PALB2: variants seen among roughly 807,000 people sequenced by gnomAD.
The protein encoded by PALB2 is mutant partner and localizer of BRCA2.
A neutral mutation model predicts 107.4 loss-of-function variants in PALB2; 82 were observed. The observed-to-expected ratio is 0.76, with a 90% CI of 0.64 to 0.92. The LOEUF is 0.92. Ranked by LOEUF, PALB2 falls within the 40% of genes least tolerant of loss-of-function variation. The pLI is 0.00. For synonymous variants in PALB2, 489 were observed against 496.8 expected, an observed-to-expected ratio of 0.98 and a Z score of 0.21; for missense variants, 1,374 against 1,379.9, an observed-to-expected ratio of 1.00 and a Z score of 0.07.
chr16:23,616,236 C>CA lies in PALB2; in HGVS notation c.3114-2146dup, dbSNP rs374860533. 7.9e-5 allele frequency among the ~76,000 whole-genome samples: 12 copies of CA among 152,266 alleles called. 1 individual carries two copies. The East Asian group carries it at 2.3e-3, about 29-fold the overall frequency. On this transcript the variant is annotated intron_variant, in intron 10 of 12. Coordinates refer to ENST00000261584, the MANE Select transcript of PALB2 (RefSeq NM_024675.4). ...TGCATGAACTCACTTGAGACTACAG[C>CA]AGTCCACAGTCATCTCCTCTCCTTT... is the stretch of plus-strand genomic sequence containing the variant.
intron 11 of PALB2, among the ~76,000 whole-genome samples, chr16:23,608,801 TACACAC>T (rs10525601): frequency 2.1e-5 from 3 of 143,762 alleles, no homozygotes; most frequent in African/African-American, 5.3e-5. Context: ...TGTATATATA[TACACAC>T]ACACACACAC....
chr16:23,627,688 A>AAAC (rs915348625), intron 6 of PALB2, among the ~76,000 whole-genome samples: 1 of 152,114 alleles, frequency 6.6e-6, no homozygotes, highest in Non-Finnish European at 1.5e-5. Flanking sequence ...CTAGAAAACC[A>AAAC]AACAACAACA....
At chr16:23,626,078 T>C (rs1488783637) in intron 7 of PALB2, among the ~76,000 whole-genome samples, 158 bp downstream of exon 7, 6 of 152,186 alleles carry the variant, frequency 3.9e-5, no homozygotes, top group Non-Finnish European at 8.8e-5. Context: ...ATACAACTTT[T>C]CTGGATGTTT....
intron 8 of PALB2, 70 bp from the exon 9 acceptor site, chr16:23,623,200 CTTTT>C (rs754470879): frequency 0.033 from 25,764 of 775,102 alleles, 85 homozygotes; most frequent in Middle Eastern, 0.054. Context: ...ACTAGGTTCA[CTTTT>C]TTTTTTTTTT....
Position 23,629,227 on chromosome 16 carries a change from G to A in PALB2, c.2563C>T (p.Leu855=), listed in dbSNP as rs1555460212. The change falls in exon 6 of 13, where the codon CTA becomes TTA. Residue 855 remains leucine (L), a synonymous_variant. Transcript: ENST00000261584. The stretch of plus-strand genomic sequence containing the variant: ...ACCTTTAACTCTGAAACCAATTGTA[G>A]GTTGCCTGGGTTTATGCTATCAGAA... The part of the protein sequence containing the change: ...PASDSINPGN[L]QLVSELKNPS... 6.2e-7 allele frequency: 1 copy of A among 1,613,538 alleles called. No homozygotes were observed. Among genetic ancestry groups the A allele is most frequent in the Non-Finnish European group, 8.5e-7 (1 of 1,179,794 alleles).
At chr16:23,630,551 G>A (rs1251787687) in intron 4 of PALB2, 82 bp from the exon 5 acceptor site, 1 of 1,095,970 alleles carries the variant, frequency 9.1e-7, no homozygotes, top group African/African-American at 1.6e-5. Flanking sequence ...AAAGAGAATA[G>A]GATCTCCTAG....
intron 7 of PALB2, among the ~76,000 whole-genome samples, chr16:23,624,514 A>C (rs1966833764): frequency 6.6e-6 from 1 of 152,168 alleles, no homozygotes; most frequent in Admixed American, 6.6e-5. Context: ...TACAGGAACA[A>C]GGAAATTTTT....
rs1567217898 is a variant in PALB2 at position 23,629,962 on chromosome 16, A to C, written c.2192T>G (p.Leu731Ter). Residue 731 changes from leucine to a stop codon, truncating the protein, a stop_gained, in exon 5 of 13, where the codon TTA becomes TGA. Coordinates refer to ENST00000261584, the MANE Select transcript of PALB2 (RefSeq NM_024675.4). LOFTEE classifies it high-confidence loss of function. Reference sequence around the variant, plus strand: ...AGGGCCAAAGGCTGGAGTAGTACCTAAGATGGGGAAAGCAGGTGAACACAT... The same window carrying C: ...AGGGCCAAAGGCTGGAGTAGTACCTCAGATGGGGAAAGCAGGTGAACACAT... Reference protein sequence around the residue: ...TDMCSPAFPILGTTPAFGPQG... With the variant: ...TDMCSPAFPI 1 of 1,614,188 alleles carries C rather than the reference A, an allele frequency of 6.2e-7. No homozygotes were observed. The highest frequency in any genetic ancestry group is 8.5e-7 in the Non-Finnish European group (1 of 1,180,036).
Position 23,603,689 on chromosome 16 carries a change from A to C in PALB2, c.3351-20T>G. The C allele has an allele frequency of 6.2e-7, 1 of 1,603,850 alleles. No individual in the cohort carries two copies. Among genetic ancestry groups the C allele is most frequent in the Non-Finnish European group, 8.5e-7 (1 of 1,171,146 alleles). On this transcript the variant is annotated intron_variant, in intron 12 of 12. Coordinates refer to ENST00000261584, the MANE Select transcript of PALB2 (RefSeq NM_024675.4). ...AGGAACCTGATAGCATACAAAGAAG[A>C]TATAATTCAGATTACATATCCAAAA...
In PALB2 at chr16:23,633,558, A is replaced by C. The variant is rs1242052102; in HGVS notation, c.1684+1304T>G. On this transcript the variant is annotated intron_variant, in intron 4 of 12. Transcript: ENST00000261584. The stretch of plus-strand genomic sequence containing the variant: ...TCTCAGTAAATGAATTGAAAGTTTA[A>C]ATTACAATGTATCGTTGCTGCCCAT... Among the ~76,000 whole-genome samples the C allele has an allele frequency of 2.6e-5, 4 of 152,328 alleles. No homozygotes were observed. In the East Asian group the frequency reaches 7.7e-4, roughly 29 times the overall value.
chr16:23,629,163 T>C (rs780327695), intron 6 of PALB2, 41 bp downstream of exon 6: 21 of 1,484,558 alleles, frequency 1.4e-5, no homozygotes, highest in Non-Finnish European at 2.0e-5. Flanking sequence ...AAAGTTTTCA[T>C]ATGTAAGACA....
chr16:23,624,545 C>G (rs913970174), intron 7 of PALB2, among the ~76,000 whole-genome samples: 3 of 152,108 alleles, frequency 2.0e-5, no homozygotes, highest in Non-Finnish European at 4.4e-5. Flanking sequence ...CGGAGTTTCA[C>G]TCTTGTTGCC....
chr16:23,640,854 C>G (rs1967215743), intron 1 of PALB2: 4 of 460,304 alleles, frequency 8.7e-6, no homozygotes, highest in Non-Finnish European at 1.6e-5. Flanking sequence ...GCAAGGGTGT[C>G]GATACAGCTT....
intron 12 of PALB2, among the ~76,000 whole-genome samples, chr16:23,607,133 T>C (rs1051800713): frequency 5.3e-5 from 8 of 152,160 alleles, no homozygotes; most frequent in Non-Finnish European, 5.9e-5. Flanking sequence ...TAGATAAATA[T>C]AAACTGCCTG....
chr16:23,619,788 AT>A (rs573181200), intron 10 of PALB2, among the ~76,000 whole-genome samples: 11 of 149,570 alleles, frequency 7.4e-5, no homozygotes, highest in African/African-American at 2.7e-4. Flanking sequence ...AAAAATTATT[AT>A]TTTTTTTTGA....
chr16:23,641,238 G>T lies in PALB2; in HGVS notation c.-81C>A. ...CCGGGACCCAGTTGGCCCTGGGCCG[G>T]GGAGGCGCCCCAGGAAGGAATGGGG... On this transcript the variant is annotated 5_prime_UTR_variant, in exon 1 of 13. Coordinates refer to ENST00000261584, the MANE Select transcript of PALB2 (RefSeq NM_024675.4). The T allele has an allele frequency of 6.5e-7, 1 of 1,547,062 alleles. No individual in the cohort carries two copies.
chr16:23,638,716 G>T, intron 1 of PALB2: 1 of 346,870 alleles, frequency 2.9e-6, no homozygotes, highest in East Asian at 8.2e-5. Flanking sequence ...GATTTTACAA[G>T]GTAAAAAAAT....
rs780524136 is a variant in PALB2, at chr16:23,607,960, A to G, written c.3254T>C (p.Leu1085Ser). ...AATGAGCTGAAACACAGGGCTTCGC[A>G]ACGACTCACTCTCTTTGGCACAGGG... ...SHPCAKESES[L>S]RSPVFQLIVI... Residue 1085 changes from leucine (L) to serine (S), a missense_variant, in exon 12 of 13, where the codon TTG becomes TCG. Leu to Ser is a moderately radical substitution (Grantham distance 145). Transcript: ENST00000261584. The G allele has an allele frequency of 6.2e-7, 1 of 1,614,138 alleles. No homozygotes were observed. The highest frequency in any genetic ancestry group is 8.5e-7 in the Non-Finnish European group (1 of 1,180,008).
At position 23,640,986 on chromosome 16, in the gene PALB2, C is replaced by G. The variant is rs962447090; in HGVS notation, c.48+124G>C. On this transcript the variant is annotated intron_variant, in intron 1 of 12. Transcript: ENST00000261584. ...TTTCATTTTCTGTGCCCCCTCAGCC[C>G]TAAGAGGAGGGGGTGGTCAGATGAT... 4 of 1,101,174 alleles carry G rather than the reference C, an allele frequency of 3.6e-6. No homozygotes were observed. The Admixed American group carries it at 9.8e-5, about 27-fold the overall frequency. 68.2% of individuals were successfully genotyped at this position (1,101,174 alleles called of 1,614,324 possible).
Sources: gnomAD v4.1 joint callset for allele counts (sites outside exome capture counted in the v4.1 genomes callset) on GRCh38, gnomAD v4.1.1 for gene constraint, MANE v1.5 for transcripts, NCBI Gene and HGNC (gene_info 2026-07-23, HGNC 2026-07-21) for gene names.